The following SLC8A1 variants were observed in gnomAD, a reference collection of about 807,000 sequenced individuals.
The protein encoded by SLC8A1 is sodium/calcium exchanger 1.
A neutral mutation model predicts 68.3 loss-of-function variants in SLC8A1; 18 were observed. That is an observed-to-expected ratio of 0.26 (90% CI 0.18 to 0.39). The LOEUF (loss-of-function observed/expected upper bound fraction) is 0.39, where lower values mean the gene tolerates loss of function less well. Ranked by LOEUF, SLC8A1 falls within the 10% of genes least tolerant of loss-of-function variation. The probability of loss-of-function intolerance (pLI) is 1.00; values close to 1 mark genes in which losing one functional copy is unlikely to be tolerated. For missense variants in SLC8A1, 985 were observed against 1,156.7 expected, an observed-to-expected ratio of 0.85 and a Z score of 2.15; for synonymous variants, 475 against 415.5, an observed-to-expected ratio of 1.14 and a Z score of -1.74.
At chr2:40,122,581 T>C (rs1269083174) in intron 7 of SLC8A1, among the ~76,000 whole-genome samples, 1 of 152,168 alleles carries the variant, frequency 6.6e-6, no homozygotes, top group African/African-American at 2.4e-5. Context: ...TTTGAAAACA[T>C]GAACTTGCTA....
chr2:40,361,887 C>CTTTTTTTTT lies in SLC8A1; in HGVS notation c.1808+66577_1808+66585dup, dbSNP rs1172909749. On this transcript the variant is annotated intron_variant, in intron 2 of 7. Coordinates refer to ENST00000406785, the Ensembl canonical transcript of SLC8A1. ...GTCAGATGTTTATATCTTTTCTTTC[C>CTTTTTTTTT]TTTTTTTTTTTTTTTTTTTTTTTTT... Among the ~76,000 whole-genome samples the CTTTTTTTTT allele has an allele frequency of 4.7e-3, 250 of 53,122 alleles. 33 individuals are homozygous for CTTTTTTTTT. The highest frequency in any genetic ancestry group is 6.1e-3 in the South Asian group (9 of 1,464). The allele number at this position is 53,122 out of a possible 152,430, so 34.9% of individuals were successfully genotyped here.
chr2:40,406,372 C>A (rs1690324752), intron 2 of SLC8A1, among the ~76,000 whole-genome samples: 1 of 152,074 alleles, frequency 6.6e-6, no homozygotes, highest in African/African-American at 2.4e-5. Context: ...TTCCCCAGGC[C>A]ATTTTAATAG....
chr2:40,378,064 G>A lies in SLC8A1; in HGVS notation c.1808+50409C>T, dbSNP rs976562358. On this transcript the variant is annotated intron_variant, in intron 2 of 7. Coordinates refer to ENST00000406785, the Ensembl canonical transcript of SLC8A1. ...ATTAATAACCTGCTGTATGCAATGC[G>A]TTGTTCTAGGAGCTGGTGATAAATC... 5.9e-5 allele frequency among the ~76,000 whole-genome samples: 9 copies of A among 152,022 alleles called. No individual in the cohort carries two copies. The South Asian group carries it at 6.2e-4, about 10-fold the overall frequency.
At chr2:40,216,271 C>T (rs952948701) in intron 2 of SLC8A1, among the ~76,000 whole-genome samples, 2 of 152,020 alleles carry the variant, frequency 1.3e-5, no homozygotes, top group Non-Finnish European at 2.9e-5. Flanking sequence ...TTTTCTGTTC[C>T]TGAGTTAGTT....
chr2:40,439,114 AGAG>A (rs753031718), intron 1 of SLC8A1, among the ~76,000 whole-genome samples: 12 of 152,024 alleles, frequency 7.9e-5, no homozygotes, highest in Non-Finnish European at 1.0e-4. Context: ...ACTAGAGGGC[AGAG>A]GAGGACAGAT....
chr2:40,500,401 A>C (rs780697791), intron 1 of SLC8A1, among the ~76,000 whole-genome samples: 34 of 152,232 alleles, frequency 2.2e-4, no homozygotes, highest in Admixed American at 7.9e-4. Context: ...AATATTCCCA[A>C]GACAGATTAA....
intron 2 of SLC8A1, among the ~76,000 whole-genome samples, chr2:40,231,495 T>A (rs2059640643): frequency 6.6e-6 from 1 of 152,094 alleles, no homozygotes; most frequent in East Asian, 1.9e-4. Context: ...CTTTTCACAC[T>A]CTTTTTTTTA....
intron 2 of SLC8A1, among the ~76,000 whole-genome samples, chr2:40,351,628 T>A (rs928798031): frequency 1.3e-5 from 2 of 151,958 alleles, no homozygotes; most frequent in Admixed American, 1.3e-4. Flanking sequence ...TAGTTCAGTT[T>A]CCAACCAAGA....
At chr2:40,116,316 A>G (rs1043517705) in intron 7 of SLC8A1, among the ~76,000 whole-genome samples, 1 of 152,066 alleles carries the variant, frequency 6.6e-6, no homozygotes, top group Non-Finnish European at 1.5e-5. Context: ...TTTTATTATT[A>G]TTTTTTATTA....
At chr2:40,277,794 GTATATATATA>G (rs56145701) in intron 2 of SLC8A1, among the ~76,000 whole-genome samples, 4,076 of 107,988 alleles carry the variant, frequency 0.038, 129 homozygotes, top group Middle Eastern at 0.09. Context: ...ATATATGTGT[GTATATATATA>G]TATATATATA....
At chr2:40,484,780 A>G (rs1704848641) in intron 1 of SLC8A1, among the ~76,000 whole-genome samples, 1 of 152,218 alleles carries the variant, frequency 6.6e-6, no homozygotes. Flanking sequence ...CTTTTGGACT[A>G]GATGTGGACC....
intron 2 of SLC8A1, among the ~76,000 whole-genome samples, chr2:40,387,511 A>T (rs1683936438): frequency 6.6e-6 from 1 of 151,366 alleles, no homozygotes. Flanking sequence ...GAGTACCTTG[A>T]TTATTCCTTC....
intron 6 of SLC8A1, among the ~76,000 whole-genome samples, chr2:40,148,546 A>G (rs2042880636): frequency 6.6e-6 from 1 of 152,126 alleles, no homozygotes; most frequent in South Asian, 2.1e-4. Flanking sequence ...GCAGTTGCTC[A>G]AGGCACCCCT....
intron 2 of SLC8A1, among the ~76,000 whole-genome samples, chr2:40,225,614 C>G (rs1340712913): frequency 6.6e-6 from 1 of 152,102 alleles, no homozygotes; most frequent in Non-Finnish European, 1.5e-5. Flanking sequence ...AAAGGGCTCA[C>G]GATGGAAATC....
At chr2:40,191,948 G>C (rs1220122921) in intron 2 of SLC8A1, among the ~76,000 whole-genome samples, 2 of 152,230 alleles carry the variant, frequency 1.3e-5, no homozygotes, top group East Asian at 3.9e-4. Context: ...TGTAGGTAGA[G>C]AGGACCTACG....
chr2:40,209,743 G>A (rs557795161), intron 2 of SLC8A1, among the ~76,000 whole-genome samples: 2 of 152,220 alleles, frequency 1.3e-5, no homozygotes, highest in South Asian at 4.2e-4. Flanking sequence ...AGTCTGCGGA[G>A]AGTCTCTTCT....
chr2:40,362,066 T>G (rs1400084787), intron 2 of SLC8A1, among the ~76,000 whole-genome samples: 1 of 151,780 alleles, frequency 6.6e-6, no homozygotes, highest in African/African-American at 2.4e-5. Flanking sequence ...TGCTAATCTC[T>G]GTATTTTTAG....
exon 8 of SLC8A1, chr2:40,110,287 C>T (rs2034480145): frequency 6.6e-6 from 1 of 152,172 alleles, no homozygotes; most frequent in South Asian, 2.1e-4. Context: ...CCTTCCTATG[C>T]TGTCCTTGTG....
chr2:40,348,287 G>A (rs1259111930), intron 2 of SLC8A1, among the ~76,000 whole-genome samples: 1 of 152,116 alleles, frequency 6.6e-6, no homozygotes, highest in Non-Finnish European at 1.5e-5. Context: ...CTCAAAATGA[G>A]GGGTTGGCTT....
Sources: gnomAD v4.1 joint callset for allele counts (sites outside exome capture counted in the v4.1 genomes callset) on GRCh38, gnomAD v4.1.1 for gene constraint, MANE v1.5 for transcripts, NCBI Gene and HGNC (gene_info 2026-07-23, HGNC 2026-07-21) for gene names.